CAMTA1: variants seen among roughly 807,000 people sequenced by gnomAD.
CAMTA1 encodes the protein calmodulin-binding transcription activator 1.
Under a neutral mutation model 170.9 loss-of-function variants are expected in CAMTA1, and 27 were observed. The ratio of observed to expected loss-of-function variants is 0.16; its 90% confidence interval spans 0.12 to 0.22. The LOEUF is 0.22. CAMTA1 is among the 10% of genes least tolerant of loss of function. The pLI, the probability that CAMTA1 is intolerant of heterozygous loss-of-function variation, is 1.00. For missense variants in CAMTA1, 1,619 were observed against 2,217.2 expected (o/e 0.73, Z 5.42); for synonymous variants, 833 against 891.5 (o/e 0.93, Z 1.17).
At chr1:7,504,207 G>T (rs1266144270) in intron 6 of CAMTA1, among the ~76,000 whole-genome samples, 2 of 152,210 alleles carry the variant, frequency 1.3e-5, no homozygotes, top group African/African-American at 2.4e-5. Flanking sequence ...AGCCTCCCGG[G>T]TCCTGCCAGG....
intron 3 of CAMTA1, among the ~76,000 whole-genome samples, chr1:6,976,207 G>A (rs555598421): frequency 6.6e-6 from 1 of 152,326 alleles, no homozygotes; most frequent in South Asian, 2.1e-4. Flanking sequence ...GGGCTTCTTG[G>A]AAGAAGGCCA....
At chr1:7,061,321 C>T (rs1459144612) in intron 3 of CAMTA1, among the ~76,000 whole-genome samples, 1 of 152,216 alleles carries the variant, frequency 6.6e-6, no homozygotes, top group Non-Finnish European at 1.5e-5. Context: ...AATACGTGTC[C>T]ACCGTCCTGC....
In CAMTA1 at chr1:7,320,976, T is replaced by C. The variant is rs116717239; in HGVS notation, c.438+71350T>C. Among the ~76,000 whole-genome samples the C allele has an allele frequency of 6.0e-3, 915 of 152,218 alleles. 6 individuals are homozygous for C. The highest frequency in any genetic ancestry group is 0.02 in the African/African-American group (819 of 41,532). On this transcript the variant is annotated intron_variant, in intron 5 of 22. Coordinates refer to ENST00000303635, the MANE Select transcript of CAMTA1 (RefSeq NM_015215.4). ...TCAACTTGGACTCTGTGCCAAACCA[T>C]CCTCAAAATACTTGGGTCTTTCCCA...
chr1:7,122,108 G>A (rs1573234929), intron 4 of CAMTA1, among the ~76,000 whole-genome samples: 1 of 151,996 alleles, frequency 6.6e-6, no homozygotes, highest in Non-Finnish European at 1.5e-5. Flanking sequence ...GTGAGTGTCC[G>A]AGGGGAAGCT....
At chr1:6,998,657 G>A (rs550289664) in intron 3 of CAMTA1, among the ~76,000 whole-genome samples, 3 of 152,330 alleles carry the variant, frequency 2.0e-5, no homozygotes, top group East Asian at 3.9e-4. Flanking sequence ...TAAGAGCCAC[G>A]GAGGCAGCAC....
At chr1:7,004,953 G>A (rs1402885527) in intron 3 of CAMTA1, among the ~76,000 whole-genome samples, 5 of 152,106 alleles carry the variant, frequency 3.3e-5, no homozygotes. Context: ...TGTGTTTTTA[G>A]TAGAGACGGG....
chr1:7,466,509 C>T (rs2093214210), intron 5 of CAMTA1, among the ~76,000 whole-genome samples: 1 of 152,176 alleles, frequency 6.6e-6, no homozygotes, highest in Non-Finnish European at 1.5e-5. Flanking sequence ...CCAAATTGCA[C>T]CCGCTCTTTT....
At chr1:7,550,785 G>A (rs1311626359) in intron 6 of CAMTA1, among the ~76,000 whole-genome samples, 3 of 69,424 alleles carry the variant, frequency 4.3e-5, no homozygotes, top group African/African-American at 1.1e-4. Flanking sequence ...CTACCTGACC[G>A]TCTTTCACAT....
At chr1:6,921,000 T>C (rs956074808) in intron 3 of CAMTA1, among the ~76,000 whole-genome samples, 2 of 152,248 alleles carry the variant, frequency 1.3e-5, no homozygotes, top group African/African-American at 2.4e-5. Flanking sequence ...AACATTCGGC[T>C]CCTCGTTATT....
chr1:7,244,741 TG>T (rs1422397117), intron 4 of CAMTA1, among the ~76,000 whole-genome samples: 1 of 142,126 alleles, frequency 7.0e-6, no homozygotes, highest in Admixed American at 7.1e-5. Context: ...GGGACTGTTG[TG>T]GGGTTGGGGG....
intron 6 of CAMTA1, among the ~76,000 whole-genome samples, chr1:7,625,537 A>G (rs1268722621): frequency 6.6e-6 from 1 of 152,250 alleles, no homozygotes; most frequent in Non-Finnish European, 1.5e-5. Flanking sequence ...TGGGGTTGCC[A>G]GCTCCCTGCT....
intron 5 of CAMTA1, among the ~76,000 whole-genome samples, chr1:7,436,003 C>T (rs1394687771): frequency 6.6e-6 from 1 of 152,214 alleles, no homozygotes; most frequent in Non-Finnish European, 1.5e-5. Context: ...AGCAGAGAAC[C>T]AGCCCAATTT....
At chr1:7,632,701 C>T (rs2095679694) in intron 6 of CAMTA1, among the ~76,000 whole-genome samples, 1 of 152,262 alleles carries the variant, frequency 6.6e-6, no homozygotes, top group Admixed American at 6.5e-5. Context: ...TGCCTGACAC[C>T]CATTGGCCCA....
At chr1:6,915,069 C>T (rs948679372) in intron 3 of CAMTA1, among the ~76,000 whole-genome samples, 2 of 152,126 alleles carry the variant, frequency 1.3e-5, no homozygotes, top group East Asian at 1.9e-4. Flanking sequence ...CTCTTACGGG[C>T]CTCAGGCTTA....
intron 6 of CAMTA1, among the ~76,000 whole-genome samples, chr1:7,543,778 G>T (rs2094646923): frequency 1.3e-5 from 2 of 151,334 alleles, no homozygotes; most frequent in African/African-American, 2.4e-5. Flanking sequence ...AGTGAGATTT[G>T]CTTCATCCTC....
At chr1:7,193,901 C>A (rs1432341686) in intron 4 of CAMTA1, among the ~76,000 whole-genome samples, 5 of 152,194 alleles carry the variant, frequency 3.3e-5, no homozygotes, top group Admixed American at 2.6e-4. Context: ...TAATGTCTCC[C>A]ACCATCTCTG....
At chr1:7,698,306 C>T (rs2096400199) in intron 11 of CAMTA1, 1 of 152,172 alleles carries the variant, frequency 6.6e-6, no homozygotes, top group Non-Finnish European at 1.5e-5. Context: ...AAAAAAATTT[C>T]ATAATGTTTT....
intron 5 of CAMTA1, among the ~76,000 whole-genome samples, chr1:7,414,195 C>G (rs1197984505): frequency 3.3e-5 from 5 of 152,208 alleles, no homozygotes; most frequent in Admixed American, 3.3e-4. Context: ...CAATGTTCAT[C>G]AAGGATATTG....
rs184096780 is a variant in CAMTA1 at position 7,521,937 on chromosome 1, G to A, written c.510+54036G>A. On this transcript the variant is annotated intron_variant, in intron 6 of 22. Transcript: ENST00000303635. Reference sequence around the variant, plus strand: ...ACCATTTACTCATTGAAGGACGTCCGGATGTTTCCATTTTTTGACAATGAC... The same window carrying A: ...ACCATTTACTCATTGAAGGACGTCCAGATGTTTCCATTTTTTGACAATGAC... 1.9e-4 allele frequency among the ~76,000 whole-genome samples: 29 copies of A among 152,288 alleles called. No individual in the cohort carries two copies. The East Asian group carries it at 4.8e-3, about 25-fold the overall frequency.
Sources: gnomAD v4.1 joint callset for allele counts (sites outside exome capture counted in the v4.1 genomes callset) on GRCh38, gnomAD v4.1.1 for gene constraint, MANE v1.5 for transcripts, NCBI Gene and HGNC (gene_info 2026-07-23, HGNC 2026-07-21) for gene names.